Variants in MEIOB observed in about 807,000 individuals in gnomAD.
MEIOB encodes meiosis-specific with OB domain-containing protein.
MEIOB carries 50 observed loss-of-function variants against 53.1 expected under a neutral mutation model. The ratio of observed to expected loss-of-function variants is 0.94; its 90% CI spans 0.75 to 1.19. The LOEUF is 1.19. MEIOB is among the 50% of genes most tolerant of loss of function. MEIOB has a pLI of 0.00. For synonymous variants in MEIOB, 192 were observed against 182.5 expected (o/e 1.05, Z -0.42); for missense variants, 551 against 550.8 (o/e 1.00, Z 0.00).
In MEIOB at chr16:1,857,751, A is replaced by G. The variant is rs1443958592; in HGVS notation, c.512T>C (p.Leu171Pro). ...HSLNGRIINV[L>P]AAVKSVGEPK... The stretch of plus-strand genomic sequence containing the variant: ...TTAACTTACCGATTTCACAGCTGCA[A>G]GCACGTTAATAATCCTCCCATTAAG... Residue 171 changes from leucine to proline, a missense_variant, in exon 6 of 14, where the codon CTT becomes CCT. Transcript: ENST00000325962. The G allele has an allele frequency of 1.3e-6, 2 of 1,551,334 alleles. No homozygotes were observed. The highest frequency in any genetic ancestry group is 1.7e-6 in the Non-Finnish European group (2 of 1,146,908).
At chr16:1,843,212 G>A (rs1186246099) in intron 10 of MEIOB, among the ~76,000 whole-genome samples, 2 of 151,212 alleles carry the variant, frequency 1.3e-5, no homozygotes, top group Non-Finnish European at 2.9e-5. Flanking sequence ...AGAATGGCGT[G>A]AACCCGGGAG....
intron 5 of MEIOB, among the ~76,000 whole-genome samples, 188 bp from the exon 6 acceptor site, chr16:1,858,118 T>C (rs1051363096): frequency 1.3e-5 from 2 of 152,178 alleles, no homozygotes; most frequent in Non-Finnish European, 2.9e-5. Flanking sequence ...ATTAAGGAAA[T>C]GTTTTGAGAA....
chr16:1,868,093 T>G lies in MEIOB; in HGVS notation c.69+14A>C, dbSNP rs78268797. On this transcript the variant is annotated intron_variant, in intron 2 of 13. Transcript: ENST00000325962. ...TGTCATCAGTAAGCAAATCACCACA[T>G]TATTGAAACCTACCAGATTAGCCAT... 179,248 of 1,391,056 alleles carry G rather than the reference T, an allele frequency of 0.13. 12,077 individuals carry two copies. The highest frequency in any genetic ancestry group is 0.19 in the East Asian group (7,571 of 39,930). The allele number at this position is 1,391,056 out of a possible 1,614,324, so 86.2% of individuals were successfully genotyped here.
At chr16:1,859,473 A>G (rs1453383196) in intron 5 of MEIOB, among the ~76,000 whole-genome samples, 2 of 152,170 alleles carry the variant, frequency 1.3e-5, no homozygotes, top group East Asian at 1.9e-4. Flanking sequence ...CCCAGGAGTT[A>G]GAGGTTACAG....
intron 3 of MEIOB, among the ~76,000 whole-genome samples, chr16:1,864,690 G>A (rs1313402075): frequency 6.6e-6 from 1 of 151,926 alleles, no homozygotes; most frequent in Non-Finnish European, 1.5e-5. Flanking sequence ...GTTTCTACAT[G>A]TTGGTTAGGC....
chr16:1,843,165 C>T (rs1371945364), intron 10 of MEIOB, among the ~76,000 whole-genome samples: 2 of 151,010 alleles, frequency 1.3e-5, no homozygotes, highest in African/African-American at 4.9e-5. Context: ...GTGGGGTGGG[C>T]GCCTGTCGTC....
At chr16:1,844,471 A>G (rs906225708) in intron 10 of MEIOB, among the ~76,000 whole-genome samples, 13 of 151,522 alleles carry the variant, frequency 8.6e-5, no homozygotes, top group African/African-American at 2.7e-4. Flanking sequence ...TTTGAGATAC[A>G]GTCTTGTTCT....
At chr16:1,866,416 ATG>A (rs1462532365) in intron 2 of MEIOB, among the ~76,000 whole-genome samples, 1 of 152,156 alleles carries the variant, frequency 6.6e-6, no homozygotes, top group Non-Finnish European at 1.5e-5. Flanking sequence ...AAAATTTTAA[ATG>A]TGTTTTAAGA....
intron 6 of MEIOB, among the ~76,000 whole-genome samples, chr16:1,855,069 A>G (rs1341668720): frequency 6.6e-6 from 1 of 152,138 alleles, no homozygotes; most frequent in Non-Finnish European, 1.5e-5. Context: ...GGTGGAGAAC[A>G]CTGTATTAAA....
intron 7 of MEIOB, 65 bp downstream of exon 7, chr16:1,854,035 A>T: frequency 1.1e-6 from 1 of 900,854 alleles, no homozygotes; most frequent in East Asian, 2.6e-5. Flanking sequence ...TATTTTTGAT[A>T]AAATGAAAAT....
In MEIOB at chr16:1,849,545, C is replaced by CAAAAAAAAA. The variant is rs373210979; in HGVS notation, c.778+3485_778+3493dup. Among the ~76,000 whole-genome samples the CAAAAAAAAA allele has an allele frequency of 1.3e-4, 10 of 79,206 alleles. 1 individual carries two copies. The highest frequency in any genetic ancestry group is 9.8e-4 in the South Asian group (2 of 2,044). The allele number at this position is 79,206 out of a possible 152,430, so 52.0% of individuals were successfully genotyped here. ...TGGGTGACAGAGTGAGACTCCGTCT[C>CAAAAAAAAA]AAAAAAAAAAAACACCTAGATGACA... On this transcript the variant is annotated intron_variant, in intron 9 of 13. Coordinates refer to ENST00000325962, the MANE Select transcript of MEIOB (RefSeq NM_001163560.3).
At chr16:1,849,471 G>A (rs984157102) in intron 9 of MEIOB, among the ~76,000 whole-genome samples, 6 of 136,830 alleles carry the variant, frequency 4.4e-5, no homozygotes, top group South Asian at 2.4e-4. Context: ...CTGTGAACCC[G>A]GGAGGCGAAG....
intron 13 of MEIOB, among the ~76,000 whole-genome samples, chr16:1,834,620 A>G (rs1254935812): frequency 6.6e-6 from 1 of 152,220 alleles, no homozygotes; most frequent in Non-Finnish European, 1.5e-5. Flanking sequence ...CTCAGGTAGG[A>G]AAGTTGGGAT....
At chr16:1,856,565 C>T (rs1456306418) in intron 6 of MEIOB, among the ~76,000 whole-genome samples, 2 of 152,110 alleles carry the variant, frequency 1.3e-5, no homozygotes, top group African/African-American at 4.8e-5. Context: ...GTGATCCTCC[C>T]GCCTCAGCCA....
In MEIOB at chr16:1,834,014, T is replaced by C. The variant is rs141033782; in HGVS notation, c.*242A>G. The stretch of plus-strand genomic sequence containing the variant: ...AAGATTAAATCTGTTTATTAATTCA[T>C]GTAAACATTTTCCAACTTGGGAGGA... On this transcript the variant is annotated 3_prime_UTR_variant, in exon 14 of 14. Transcript: ENST00000325962. The C allele has an allele frequency of 2.3e-3, 865 of 379,770 alleles. 2 individuals are homozygous for C. The highest frequency in any genetic ancestry group is 3.1e-3 in the Non-Finnish European group (661 of 212,818). 23.5% of individuals were successfully genotyped at this position (379,770 alleles called of 1,614,324 possible). A position where few individuals can be genotyped will look rare whatever the true frequency, so the allele number is the denominator to read the frequency against.
intron 4 of MEIOB, 72 bp from the exon 5 acceptor site, chr16:1,860,547 T>A: frequency 3.7e-6 from 3 of 805,660 alleles, no homozygotes; most frequent in Non-Finnish European, 4.1e-6. Context: ...CTAAATAACA[T>A]CCTGTTTAAT....
intron 1 of MEIOB, among the ~76,000 whole-genome samples, chr16:1,871,678 C>A (rs527687998): frequency 4.7e-5 from 7 of 150,222 alleles, no homozygotes; most frequent in African/African-American, 1.7e-4. Context: ...AAGCCTGCTA[C>A]CACACCTGGC....
intron 9 of MEIOB, among the ~76,000 whole-genome samples, chr16:1,851,537 C>T (rs1899173678): frequency 6.6e-6 from 1 of 152,124 alleles, no homozygotes. Context: ...CCCAGAACAG[C>T]ACCCAGCATA....
At chr16:1,841,166 G>C (rs11646466) in intron 11 of MEIOB, 13,097 of 151,020 alleles carry the variant, frequency 0.087, 701 homozygotes, top group South Asian at 0.22. Context: ...ACAGGTGCCC[G>C]CCACCACACC....
Sources: allele counts gnomAD v4.1 joint callset (sites outside exome capture counted in the v4.1 genomes callset), GRCh38; gene constraint gnomAD v4.1.1; transcripts MANE v1.5; gene names NCBI Gene and HGNC (gene_info 2026-07-23, HGNC 2026-07-21).